The following PLA2G2F variants were observed in gnomAD, a reference collection of about 807,000 sequenced individuals.
The protein encoded by PLA2G2F is group IIF secretory phospholipase A2.
PLA2G2F carries 17 observed loss-of-function variants against 15.9 expected under a neutral mutation model. That is an observed-to-expected ratio of 1.07 (90% CI 0.73 to 1.60). The LOEUF (loss-of-function observed/expected upper bound fraction) is 1.60. Ranked by LOEUF, PLA2G2F falls within the 40% of genes most tolerant of loss-of-function variation. The probability of loss-of-function intolerance (pLI) is 0.00; values close to 1 mark genes in which losing one functional copy is unlikely to be tolerated. For missense variants in PLA2G2F, 299 were observed against 278.2 expected (o/e 1.07, Z -0.53); for synonymous variants, 119 against 106.5 (o/e 1.12, Z -0.72).
chr1:20,144,782 A>C, intron 4 of PLA2G2F, 93 bp downstream of exon 4: 1 of 1,141,146 alleles, frequency 8.8e-7, no homozygotes, highest in Non-Finnish European at 1.3e-6. Context: ...TGCCAGATTA[A>C]ATACAGGCTG....
chr1:20,139,638 A>G, intron 1 of PLA2G2F, 95 bp downstream of exon 1: 1 of 973,868 alleles, frequency 1.0e-6, no homozygotes, highest in Non-Finnish European at 1.5e-6. Context: ...CTAAGAGTCC[A>G]CGTGGTGGGC....
At chr1:20,143,372 C>A in intron 2 of PLA2G2F, 74 bp from the exon 3 acceptor site, 1 of 1,565,948 alleles carries the variant, frequency 6.4e-7, no homozygotes, top group South Asian at 1.2e-5. Flanking sequence ...TCAGTCCAGA[C>A]TCTCAGGATG....
In PLA2G2F at chr1:20,143,583, G is replaced by A; in HGVS notation, c.307G>A (p.Val103Met). The A allele has an allele frequency of 2.5e-6, 4 of 1,613,942 alleles. No individual in the cohort carries two copies. The highest frequency in any genetic ancestry group is 3.4e-6 in the Non-Finnish European group (4 of 1,179,878). ...GGGCCGTGGCCAGCCCAAGGATGAG[G>A]TGGACTGGTAGGTACCAGAGGCCTG... ...LGGRGQPKDE[V>M]DWCCHAHDCC... Residue 103 changes from valine (V) to methionine (M), a missense_variant, in exon 3 of 5, where the codon GTG becomes ATG. By Grantham distance (21) the Val-to-Met change is conservative. Coordinates refer to ENST00000375102, the MANE Select transcript of PLA2G2F (RefSeq NM_022819.4).
chr1:20,139,542 A>T lies in PLA2G2F; in HGVS notation c.115A>T (p.Arg39Trp). 1 of 1,520,836 alleles carries T rather than the reference A, an allele frequency of 6.6e-7. No individual in the cohort carries two copies. Among genetic ancestry groups the T allele is most frequent in the South Asian group, 1.3e-5 (1 of 78,870 alleles). The allele number at this position is 1,520,836 out of a possible 1,614,324, so 94.2% of individuals were successfully genotyped here. ...GGCCTCCTGTCCTTCAAGAACCTCC[A>T]GGTAGGTGCCTGTTGCCCTGAGATG... ...FGASCPSRTS[R>W]SSLGMKKFFT... is the part of the protein sequence containing the mutation. The change falls in exon 1 of 5, where the codon AGG (arginine) becomes TGG (tryptophan). Residue 39 changes from arginine (R) to tryptophan (W), a missense_variant and splice_region_variant. Arg to Trp is a moderately radical substitution (Grantham distance 101, BLOSUM62 -3). Transcript: ENST00000375102.
rs1311459033 is a variant in PLA2G2F, at chr1:20,148,717, G to C, written c.*316G>C. On this transcript the variant is annotated 3_prime_UTR_variant, in exon 5 of 5. Transcript: ENST00000375102. ...GGAGGGGCCTCTGAGTGGGGCCTCT[G>C]TTGCTGGCGCCAGTTTAACTCCCCG... 2 of 380,220 alleles carry C rather than the reference G, an allele frequency of 5.3e-6. No homozygotes were observed. Among genetic ancestry groups the C allele is most frequent in the Non-Finnish European group, 9.6e-6 (2 of 207,970 alleles). The allele number at this position is 380,220 out of a possible 1,614,324, so 23.6% of individuals were successfully genotyped here. A position where few individuals can be genotyped will look rare whatever the true frequency, so the allele number is the denominator to read the frequency against.
Position 20,139,425 on chromosome 1 carries a change from A to G in PLA2G2F, c.-3A>G. The G allele has an allele frequency of 6.4e-7, 1 of 1,555,266 alleles. No homozygotes were observed. The highest frequency in any genetic ancestry group is 8.7e-7 in the Non-Finnish European group (1 of 1,148,332). ...ATGTTGCTGGCCCCCCAGAACCCGC[A>G]ACATGGCAGATGGGGCAAAGGCCAA... On this transcript the variant is annotated 5_prime_UTR_variant, in exon 1 of 5. Transcript: ENST00000375102.
At chr1:20,146,166 C>A (rs1037522359) in intron 4 of PLA2G2F, among the ~76,000 whole-genome samples, 1 of 152,206 alleles carries the variant, frequency 6.6e-6, no homozygotes, top group African/African-American at 2.4e-5. Flanking sequence ...TGCAGGGAGG[C>A]TCTGAGACAT....
intron 4 of PLA2G2F, among the ~76,000 whole-genome samples, chr1:20,145,444 G>A (rs762125920): frequency 3.3e-5 from 5 of 151,916 alleles, no homozygotes; most frequent in African/African-American, 4.8e-5. Context: ...ACCATGCCCA[G>A]CTACTTTTTA....
intron 2 of PLA2G2F, 167 bp from the exon 3 acceptor site, chr1:20,143,279 T>G (rs2017513761): frequency 3.7e-6 from 3 of 805,628 alleles, no homozygotes; most frequent in Non-Finnish European, 5.8e-6. Context: ...TTCCTCTGGC[T>G]TAGCTGCCCA....
chr1:20,146,800 C>T (rs1306877478), intron 4 of PLA2G2F, among the ~76,000 whole-genome samples: 1 of 152,090 alleles, frequency 6.6e-6, no homozygotes, highest in Non-Finnish European at 1.5e-5. Context: ...AGGGGCTGGC[C>T]TGAGATAGCA....
intron 1 of PLA2G2F, 65 bp downstream of exon 1, chr1:20,139,608 G>T (rs952154403): frequency 2.4e-6 from 3 of 1,231,180 alleles, no homozygotes; most frequent in East Asian, 5.3e-5. Flanking sequence ...TGAGGGACTG[G>T]CTCCTAGAAT....
intron 4 of PLA2G2F, among the ~76,000 whole-genome samples, chr1:20,145,604 TTTAA>T (rs140888490): frequency 2.6e-4 from 39 of 150,918 alleles, no homozygotes; most frequent in Non-Finnish European, 4.7e-4. Flanking sequence ...TACCTGAAAT[TTTAA>T]TTAATTAATT....
Position 20,148,438 on chromosome 1 carries a change from TCTGGCTTGGGGAC to T in PLA2G2F, c.*39_*51del. The T allele has an allele frequency of 4.5e-6, 7 of 1,561,946 alleles. No individual in the cohort carries two copies. The highest frequency in any genetic ancestry group is 6.1e-6 in the Non-Finnish European group (7 of 1,138,214). ...TTTGAGAGAGAGAGCGGGAGGAGGGTCTGGCTTGGGGACCAGACGAGGTGCAGGGAGGGTAGGA... is the reference window on the plus strand; with the variant it reads ...TTTGAGAGAGAGAGCGGGAGGAGGGTCAGACGAGGTGCAGGGAGGGTAGGA... On this transcript the variant is annotated 3_prime_UTR_variant, in exon 5 of 5. Coordinates refer to ENST00000375102, the MANE Select transcript of PLA2G2F (RefSeq NM_022819.4).
At chr1:20,144,719 C>T (rs1308142509) in intron 4 of PLA2G2F, 30 bp downstream of exon 4, 3 of 1,535,554 alleles carry the variant, frequency 2.0e-6, no homozygotes, top group Non-Finnish European at 2.7e-6. Flanking sequence ...CCTGGGCCCC[C>T]AGAGAAGGGA....
intron 2 of PLA2G2F, chr1:20,141,657 G>T: frequency 6.6e-6 from 1 of 152,604 alleles, no homozygotes; most frequent in Non-Finnish European, 1.5e-5. Flanking sequence ...GCCAGGGGCA[G>T]ATGGGGAGGC....
Position 20,144,612 on chromosome 1 carries a change from A to T in PLA2G2F, c.347A>T (p.Glu116Val). Residue 116 changes from glutamate (E) to valine (V), a missense_variant, in exon 4 of 5, where the codon GAA becomes GTA. Coordinates refer to ENST00000375102, the MANE Select transcript of PLA2G2F (RefSeq NM_022819.4). ...CCHAHDCCYQ[E>V]LFDQGCHPYV... Reference sequence around the variant, plus strand: ...CACGCCCACGACTGCTGCTACCAGGAACTCTTTGACCAAGGCTGTCACCCC... The same window carrying T: ...CACGCCCACGACTGCTGCTACCAGGTACTCTTTGACCAAGGCTGTCACCCC... The T allele has an allele frequency of 6.2e-7, 1 of 1,612,274 alleles. No individual in the cohort carries two copies. The highest frequency in any genetic ancestry group is 8.5e-7 in the Non-Finnish European group (1 of 1,179,282).
Position 20,148,401 on chromosome 1 carries a change from G to A in PLA2G2F, c.636G>A (p.Ter212=), listed in dbSNP as rs769476947. 2 of 1,608,868 alleles carry A rather than the reference G, an allele frequency of 1.2e-6. No homozygotes were observed. Among genetic ancestry groups the A allele is most frequent in the Non-Finnish European group, 1.7e-6 (2 of 1,175,968 alleles). The change falls in exon 5 of 5, where the codon TAG becomes TAA. Residue 212 remains the stop codon, a stop_retained_variant. Coordinates refer to ENST00000375102, the MANE Select transcript of PLA2G2F (RefSeq NM_022819.4). ...CCCCAGCGCCCCCCGCCCCTCCCTA[G>A]AGCCTCTGAGGTTTGAGAGAGAGAG... ...HQSPAPPAPP[*]
chr1:20,147,309 T>A (rs1461279446), intron 4 of PLA2G2F, among the ~76,000 whole-genome samples: 1 of 152,146 alleles, frequency 6.6e-6, no homozygotes, highest in Non-Finnish European at 1.5e-5. Flanking sequence ...AAGGATGATT[T>A]CCGAAATCTA....
In PLA2G2F at chr1:20,144,562, A is replaced by T; in HGVS notation, c.315-18A>T. On this transcript the variant is annotated intron_variant, in intron 3 of 4. Coordinates refer to ENST00000375102, the MANE Select transcript of PLA2G2F (RefSeq NM_022819.4). Reference sequence around the variant, plus strand: ...CCGGCCCAGCCATGCCTGTCCACTCACCTCTGCCGCTCCCTAGGTGCTGCC... The same window carrying T: ...CCGGCCCAGCCATGCCTGTCCACTCTCCTCTGCCGCTCCCTAGGTGCTGCC... The T allele has an allele frequency of 6.3e-7, 1 of 1,589,938 alleles. No individual in the cohort carries two copies. Among genetic ancestry groups the T allele is most frequent in the Non-Finnish European group, 8.6e-7 (1 of 1,164,604 alleles).
Sources: allele counts gnomAD v4.1 joint callset (sites outside exome capture counted in the v4.1 genomes callset), GRCh38; gene constraint gnomAD v4.1.1; transcripts MANE v1.5; gene names NCBI Gene and HGNC (gene_info 2026-07-23, HGNC 2026-07-21).